Variants in TEX36 observed in about 807,000 individuals in gnomAD.
TEX36 encodes the protein testis expressed 36.
Under a neutral mutation model 13.6 loss-of-function variants are expected in TEX36, and 12 were observed. That is an observed-to-expected ratio of 0.88 (90% confidence interval 0.56 to 1.43). The LOEUF (loss-of-function observed/expected upper bound fraction) is 1.43, where lower values mean the gene tolerates loss of function less well. TEX36 is among the 40% of genes most tolerant of loss of function. The pLI is 0.00. For missense variants in TEX36, 224 were observed against 228.3 expected, an observed-to-expected ratio of 0.98 and a Z score of 0.12; for synonymous variants, 93 against 83.0, an observed-to-expected ratio of 1.12 and a Z score of -0.65.
intron 3 of TEX36, among the ~76,000 whole-genome samples, chr10:125,626,138 G>C (rs772416770): frequency 2.6e-5 from 4 of 152,178 alleles, no homozygotes; most frequent in Non-Finnish European, 5.9e-5. Flanking sequence ...CCTGGGGTCA[G>C]CCAAGAAGCC....
intron 3 of TEX36, among the ~76,000 whole-genome samples, chr10:125,612,574 T>C (rs1846304063): frequency 6.6e-6 from 1 of 152,220 alleles, no homozygotes; most frequent in Non-Finnish European, 1.5e-5. Flanking sequence ...CACATTTATA[T>C]CCTATCCAGT....
intron 1 of TEX36, among the ~76,000 whole-genome samples, chr10:125,673,748 C>T (rs1847269326): frequency 6.6e-6 from 1 of 151,762 alleles, no homozygotes; most frequent in Admixed American, 6.6e-5. Flanking sequence ...GAATATTGAC[C>T]CCCAGTCTCT....
At chr10:125,633,530 T>A (rs1206090684) in intron 3 of TEX36, among the ~76,000 whole-genome samples, 2 of 152,224 alleles carry the variant, frequency 1.3e-5, no homozygotes, top group African/African-American at 4.8e-5. Context: ...GAAAACGATT[T>A]CCCCAAATCC....
At chr10:125,631,877 G>A (rs896259931) in intron 3 of TEX36, among the ~76,000 whole-genome samples, 4 of 152,128 alleles carry the variant, frequency 2.6e-5, no homozygotes, top group South Asian at 2.1e-4. Flanking sequence ...CAGGGAGGAC[G>A]AACTTGGTCC....
downstream of TEX36, among the ~76,000 whole-genome samples, chr10:125,654,294 G>T (rs766663823): frequency 1.3e-5 from 2 of 152,074 alleles, no homozygotes; most frequent in Non-Finnish European, 2.9e-5. Flanking sequence ...ATCTAAAAGT[G>T]CAATTAAAAC....
chr10:125,608,663 A>T (rs1199746186), intron 3 of TEX36, among the ~76,000 whole-genome samples: 1 of 152,120 alleles, frequency 6.6e-6, no homozygotes, highest in Non-Finnish European at 1.5e-5. Flanking sequence ...CCCGCTCAGC[A>T]CATCTTGTTG....
rs548106972 is a variant in TEX36 at position 125,583,663 on chromosome 10, T to C, written c.265-6789A>G. Among the ~76,000 whole-genome samples, 116 of 152,328 alleles carry C rather than the reference T, an allele frequency of 7.6e-4. 1 individual carries two copies. The highest frequency in any genetic ancestry group is 4.6e-4 in the Admixed American group (7 of 15,296). ...AAAGCCCATCTATTTTGGTTAAAAA[T>C]ATCAGCTGTAGGACTTATGTAATAC... On this transcript the variant is annotated intron_variant, in intron 3 of 3. Coordinates refer to the TEX36 transcript ENST00000532135.
chr10:125,646,537 A>T (rs1298995673), intron 3 of TEX36, among the ~76,000 whole-genome samples: 4 of 152,204 alleles, frequency 2.6e-5, no homozygotes, highest in Admixed American at 6.5e-5. Flanking sequence ...GAAAATCAAA[A>T]TAAGCTCAAG....
chr10:125,661,773 C>T, intron 2 of TEX36, 73 bp downstream of exon 2: 1 of 1,524,292 alleles, frequency 6.6e-7, no homozygotes, highest in Non-Finnish European at 8.8e-7. Flanking sequence ...ATTGTTTGGC[C>T]CAACGTGCCA....
chr10:125,660,503 T>G (rs1433488025), intron 3 of TEX36, among the ~76,000 whole-genome samples: 2 of 152,246 alleles, frequency 1.3e-5, no homozygotes, highest in African/African-American at 4.8e-5. Context: ...AAATTATGCA[T>G]ACAGTTTACA....
chr10:125,648,868 T>G (rs1005886384), intron 3 of TEX36, among the ~76,000 whole-genome samples: 12 of 152,134 alleles, frequency 7.9e-5, no homozygotes, highest in African/African-American at 2.9e-4. Context: ...ATGCACAAGC[T>G]TCAGTAGCCG....
intron 3 of TEX36, among the ~76,000 whole-genome samples, chr10:125,623,425 C>T (rs1034008820): frequency 1.7e-4 from 26 of 152,252 alleles, no homozygotes; most frequent in African/African-American, 6.3e-4. Flanking sequence ...ATCCTTCAAT[C>T]CAATCAAATT....
intron 3 of TEX36, among the ~76,000 whole-genome samples, chr10:125,589,481 A>G (rs1845997555): frequency 6.6e-6 from 1 of 152,206 alleles, no homozygotes; most frequent in Non-Finnish European, 1.5e-5. Context: ...ATATTGGTTG[A>G]TACACTGAGA....
rs188618981 is a variant in TEX36, at chr10:125,680,969, A to T, written c.51+1970T>A. Among the ~76,000 whole-genome samples, 61 of 152,174 alleles carry T rather than the reference A, an allele frequency of 4.0e-4. 1 individual carries two copies. The East Asian group carries it at 0.011, about 28-fold the overall frequency. Reference sequence around the variant, plus strand: ...ATTCACAGCAGCCATGTGGTTGGTTAAAAAAAACACCTCCTCAGACACCCT... The same window carrying T: ...ATTCACAGCAGCCATGTGGTTGGTTTAAAAAAACACCTCCTCAGACACCCT... On this transcript the variant is annotated intron_variant, in intron 1 of 3. Transcript: ENST00000368821.
At chr10:125,667,644 C>G in intron 1 of TEX36, 1 of 713,888 alleles carries the variant, frequency 1.4e-6, no homozygotes, top group Non-Finnish European at 2.6e-6. Context: ...CCCCCAACAC[C>G]ACCCTTGGAC....
intron 1 of TEX36, among the ~76,000 whole-genome samples, chr10:125,673,260 T>G (rs1589788611): frequency 6.6e-6 from 1 of 152,216 alleles, no homozygotes; most frequent in Non-Finnish European, 1.5e-5. Context: ...TGGTTTTTCC[T>G]TTCTATATTG....
At position 125,682,950 on chromosome 10, in the gene TEX36, C is replaced by T; in HGVS notation, c.40G>A (p.Asp14Asn). 1 of 1,551,772 alleles carries T rather than the reference C, an allele frequency of 6.4e-7. No homozygotes were observed. Among genetic ancestry groups the T allele is most frequent in the Non-Finnish European group, 8.7e-7 (1 of 1,147,002 alleles). The change falls in exon 1 of 4, where the codon GAT (aspartate) becomes AAT (asparagine). Residue 14 changes from aspartate to asparagine, a missense_variant. Physicochemically the swap from Asp to Asn is conservative, Grantham distance 23 (BLOSUM62 1). Coordinates refer to ENST00000368821, the MANE Select transcript of TEX36 (RefSeq NM_001128202.3). ...ACCATCTTCCTTACCCATCTCCCAT[C>T]CTTGTCTGAAGGTGGGTTGAAGCGT... Reference protein sequence around the residue: ...GRRFNPPSDKDGRWFPHIGLT... With the variant: ...GRRFNPPSDKNGRWFPHIGLT...
In TEX36 at chr10:125,656,299, C is replaced by A. The variant is rs1846943683; in HGVS notation, c.265-103G>T. 9.5e-6 allele frequency: 11 copies of A among 1,158,624 alleles called. No homozygotes were observed. The South Asian group carries it at 2.2e-4, about 23-fold the overall frequency. 71.8% of individuals were successfully genotyped at this position (1,158,624 alleles called of 1,614,324 possible). A position where few individuals can be genotyped will look rare whatever the true frequency, so the allele number is the denominator to read the frequency against. ...TGAGACAGAGTCTTGCTCTGTCACC[C>A]AGGCCAGAGTTCAGTGGCACGATCT... On this transcript the variant is annotated intron_variant, in intron 3 of 3. Transcript: ENST00000368821.
chr10:125,613,591 C>T (rs1012423824), intron 3 of TEX36, among the ~76,000 whole-genome samples: 118 of 151,808 alleles, frequency 7.8e-4, no homozygotes, highest in African/African-American at 2.8e-3. Context: ...TCATCCATGT[C>T]CCTACAAAGG....
Sources: gnomAD v4.1 joint callset for allele counts (sites outside exome capture counted in the v4.1 genomes callset) on GRCh38, gnomAD v4.1.1 for gene constraint, MANE v1.5 for transcripts, NCBI Gene and HGNC (gene_info 2026-07-23, HGNC 2026-07-21) for gene names.